The following GABRB2 variants were observed in gnomAD, a reference collection of about 807,000 sequenced individuals.
GABRB2 encodes the protein gamma-aminobutyric acid receptor subunit beta-2.
GABRB2 carries 16 observed loss-of-function variants against 54.7 expected under a neutral mutation model. The ratio of observed to expected loss-of-function variants is 0.29; its 90% CI spans 0.20 to 0.44. GABRB2 has a LOEUF of 0.44. GABRB2 is among the 20% of genes least tolerant of loss of function. The pLI is 1.00. For missense variants in GABRB2, 355 were observed against 644.0 expected (o/e 0.55, Z 4.86); for synonymous variants, 244 against 233.8 (o/e 1.04, Z -0.40).
intron 3 of GABRB2, among the ~76,000 whole-genome samples, chr5:161,494,717 T>G (rs2113361947): frequency 6.6e-6 from 1 of 151,966 alleles, no homozygotes; most frequent in East Asian, 1.9e-4. Flanking sequence ...TACTTGATGT[T>G]TCTCCAGGCA....
At chr5:161,324,453 G>A (rs905759032) in intron 9 of GABRB2, among the ~76,000 whole-genome samples, 23 of 152,196 alleles carry the variant, frequency 1.5e-4, no homozygotes, top group African/African-American at 5.1e-4. Flanking sequence ...AAGGCCGTTG[G>A]TATAATTATC....
chr5:161,365,572 T>A (rs960855623), intron 5 of GABRB2, among the ~76,000 whole-genome samples: 13 of 152,218 alleles, frequency 8.5e-5, no homozygotes, highest in African/African-American at 3.1e-4. Flanking sequence ...CAATTTTTTG[T>A]GTTGGGAACA....
At chr5:161,338,634 T>TA (rs1417612811) in intron 5 of GABRB2, among the ~76,000 whole-genome samples, 2 of 151,678 alleles carry the variant, frequency 1.3e-5, no homozygotes, top group Admixed American at 6.6e-5. Flanking sequence ...GAAAAAATAA[T>TA]AAAAAATTAG....
At chr5:161,541,970 A>C (rs1227301067) in intron 3 of GABRB2, among the ~76,000 whole-genome samples, 1 of 152,174 alleles carries the variant, frequency 6.6e-6, no homozygotes, top group Non-Finnish European at 1.5e-5. Context: ...TTTTGATTTA[A>C]AGTGAGAGAT....
chr5:161,460,968 G>T (rs1308219617), intron 3 of GABRB2, among the ~76,000 whole-genome samples: 1 of 152,122 alleles, frequency 6.6e-6, no homozygotes, highest in African/African-American at 2.4e-5. Context: ...AATCTGTAGA[G>T]GCCCTAAGAT....
chr5:161,502,448 CAT>C (rs1335687096), intron 3 of GABRB2, among the ~76,000 whole-genome samples: 1 of 152,014 alleles, frequency 6.6e-6, no homozygotes, highest in African/African-American at 2.4e-5. Flanking sequence ...GAGATGAAAA[CAT>C]ATTTCTAACT....
intron 5 of GABRB2, among the ~76,000 whole-genome samples, chr5:161,393,299 TAAAAAAAAAAAAAAAAAAAAAAAAAAAA>T (rs533308700): frequency 5.7e-4 from 23 of 40,326 alleles, no homozygotes; most frequent in African/African-American, 1.5e-3. Flanking sequence ...TTTAAAAATG[TAAAAAAAAAAAAAAAAAAAAAAAAAAAA>T]AAAAAAAAAA....
At chr5:161,310,935 T>C (rs915847784) in intron 9 of GABRB2, among the ~76,000 whole-genome samples, 6 of 152,076 alleles carry the variant, frequency 3.9e-5, no homozygotes, top group Non-Finnish European at 7.4e-5. Flanking sequence ...TAATTTTTTG[T>C]ATTTTTAGTA....
intron 5 of GABRB2, among the ~76,000 whole-genome samples, chr5:161,397,067 A>T (rs574475217): frequency 2.8e-3 from 423 of 152,334 alleles, no homozygotes; most frequent in Admixed American, 5.4e-3. Context: ...TTCAAAACTT[A>T]AAAGAGCCTT....
At chr5:161,383,674 C>T (rs1248212163) in intron 5 of GABRB2, among the ~76,000 whole-genome samples, 2 of 152,138 alleles carry the variant, frequency 1.3e-5, no homozygotes, top group Non-Finnish European at 2.9e-5. Context: ...TTGAACATTT[C>T]CATCACTGCG....
chr5:161,509,331 A>G (rs983874559), intron 3 of GABRB2, among the ~76,000 whole-genome samples: 2 of 152,016 alleles, frequency 1.3e-5, no homozygotes, highest in African/African-American at 4.8e-5. Flanking sequence ...AATACAGTCC[A>G]GCAATATCAA....
At chr5:161,357,137 A>C (rs1386836844) in intron 5 of GABRB2, among the ~76,000 whole-genome samples, 1 of 152,234 alleles carries the variant, frequency 6.6e-6, no homozygotes, top group African/African-American at 2.4e-5. Flanking sequence ...GAAAAAGTAG[A>C]GCAATCTAAG....
At chr5:161,499,130 G>A (rs1165674908) in intron 3 of GABRB2, among the ~76,000 whole-genome samples, 1 of 152,074 alleles carries the variant, frequency 6.6e-6, no homozygotes, top group Non-Finnish European at 1.5e-5. Flanking sequence ...CCCACTTTAT[G>A]CACTCTTCAC....
chr5:161,370,971 A>G (rs952927871), intron 5 of GABRB2, among the ~76,000 whole-genome samples: 2 of 152,174 alleles, frequency 1.3e-5, no homozygotes, highest in South Asian at 2.1e-4. Flanking sequence ...TTTTCAAAAA[A>G]TCATGTAGCA....
chr5:161,466,015 A>C (rs1413868493), intron 3 of GABRB2, among the ~76,000 whole-genome samples: 1 of 152,038 alleles, frequency 6.6e-6, no homozygotes, highest in Non-Finnish European at 1.5e-5. Context: ...CTTAATACTT[A>C]TGCTTCTTAA....
intron 5 of GABRB2, among the ~76,000 whole-genome samples, chr5:161,374,446 C>T (rs1755224238): frequency 6.6e-6 from 1 of 152,202 alleles, no homozygotes; most frequent in African/African-American, 2.4e-5. Context: ...TTCTCTCAAG[C>T]TGTTCATTGA....
intron 5 of GABRB2, among the ~76,000 whole-genome samples, chr5:161,402,217 G>A (rs376723306): frequency 1.3e-5 from 2 of 151,952 alleles, no homozygotes; most frequent in East Asian, 1.9e-4. Flanking sequence ...TAGGCAACTG[G>A]TTACAGAAAT....
intron 4 of GABRB2, among the ~76,000 whole-genome samples, chr5:161,440,072 A>C (rs1159339995): frequency 6.7e-6 from 1 of 149,632 alleles, no homozygotes; most frequent in Admixed American, 6.7e-5. Context: ...CAAAAAAAAA[A>C]AAAAAAACAA....
chr5:161,437,853 T>C (rs974649426), intron 4 of GABRB2, among the ~76,000 whole-genome samples: 1 of 152,318 alleles, frequency 6.6e-6, no homozygotes, highest in African/African-American at 2.4e-5. Context: ...CTGTGTCTTA[T>C]GGTATGAGTG....
Sources: gnomAD v4.1 joint callset for allele counts (sites outside exome capture counted in the v4.1 genomes callset) on GRCh38, gnomAD v4.1.1 for gene constraint, MANE v1.5 for transcripts, NCBI Gene and HGNC (gene_info 2026-07-23, HGNC 2026-07-21) for gene names.